Variants in PDE4D observed in about 807,000 individuals in gnomAD.
The protein encoded by PDE4D is 3',5'-cyclic-AMP phosphodiesterase 4D.
PDE4D carries 24 observed loss-of-function variants against 87.4 expected under a neutral mutation model. That is an observed-to-expected ratio of 0.27 (90% CI 0.20 to 0.39). The LOEUF is 0.39. PDE4D is among the 10% of genes least tolerant of loss of function. The pLI is 1.00. For missense variants in PDE4D, 714 were observed against 1,041.0 expected (o/e 0.69, Z 4.32); for synonymous variants, 384 against 383.2 (o/e 1.00, Z -0.02).
intron 1 of PDE4D, among the ~76,000 whole-genome samples, chr5:60,197,698 A>G (rs1741430488): frequency 6.6e-6 from 1 of 151,606 alleles, no homozygotes; most frequent in Non-Finnish European, 1.5e-5. Flanking sequence ...CCAAGGAGTC[A>G]TTGCCGGCAG....
Position 59,668,845 on chromosome 5 carries a change from G to GGAAGAAGAAGAA in PDE4D, c.455+224311_455+224322dup, listed in dbSNP as rs1208323931. On this transcript the variant is annotated intron_variant, in intron 1 of 14. Coordinates refer to ENST00000340635, the MANE Select transcript of PDE4D (RefSeq NM_001104631.2). ...AAGAAGAAGAAGAGGAAGAGGAAGAGGAAGAAGAAGAAGAAGAAGAAGAAG... is the reference window on the plus strand; with the variant it reads ...AAGAAGAAGAAGAGGAAGAGGAAGAGGAAGAAGAAGAAGAAGAAGAAGAAGAAGAAGAAGAAG... Among the ~76,000 whole-genome samples the GGAAGAAGAAGAA allele has an allele frequency of 5.4e-3, 334 of 62,106 alleles. 8 individuals carry two copies. The highest frequency in any genetic ancestry group is 7.2e-3 in the Non-Finnish European group (227 of 31,596). The allele number at this position is 62,106 out of a possible 152,430, so 40.7% of individuals were successfully genotyped here.
intron 5 of PDE4D, among the ~76,000 whole-genome samples, chr5:59,163,288 T>C (rs944542198): frequency 2.0e-4 from 30 of 151,346 alleles, no homozygotes; most frequent in Non-Finnish European, 3.5e-4. Context: ...TTTTTTTTTT[T>C]TTTTGAGACA....
At chr5:59,267,570 T>C (rs1443911376) in intron 1 of PDE4D, among the ~76,000 whole-genome samples, 1 of 152,020 alleles carries the variant, frequency 6.6e-6, no homozygotes. Context: ...TTTTGCAATA[T>C]GAAATGAAAA....
intron 1 of PDE4D, among the ~76,000 whole-genome samples, chr5:59,655,818 C>T (rs1377407130): frequency 1.3e-5 from 2 of 152,158 alleles, no homozygotes; most frequent in Non-Finnish European, 2.9e-5. Context: ...ATGATAAAAT[C>T]AAGATTTAAG....
At chr5:60,044,052 T>C (rs1312914665) in intron 2 of PDE4D, among the ~76,000 whole-genome samples, 3 of 152,148 alleles carry the variant, frequency 2.0e-5, no homozygotes, top group Non-Finnish European at 4.4e-5. Context: ...TCTGGTTGTC[T>C]TTAGTTTTCT....
intron 1 of PDE4D, among the ~76,000 whole-genome samples, chr5:59,659,720 T>C (rs537772964): frequency 1.3e-5 from 2 of 152,208 alleles, no homozygotes; most frequent in South Asian, 2.1e-4. Context: ...TCATCTATCA[T>C]AATGTTCCCT....
At chr5:60,044,084 T>C (rs1355862834) in intron 2 of PDE4D, among the ~76,000 whole-genome samples, 3 of 152,124 alleles carry the variant, frequency 2.0e-5, no homozygotes, top group Non-Finnish European at 4.4e-5. Flanking sequence ...ATAATATGAC[T>C]AGGTGTGGAC....
At chr5:59,422,269 T>A (rs1290354572) in intron 1 of PDE4D, among the ~76,000 whole-genome samples, 1 of 152,098 alleles carries the variant, frequency 6.6e-6, no homozygotes, top group East Asian at 1.9e-4. Flanking sequence ...ACCTGTAACA[T>A]CCTTCTCATC....
At position 59,147,433 on chromosome 5, in the gene PDE4D, A is replaced by G. The variant is rs186300027; in HGVS notation, c.808+33162T>C. ...AACCTCAAACATTTTCTAAACCCTC[A>G]AATTATTCCTAAGATGCATTCAACT... On this transcript the variant is annotated intron_variant, in intron 5 of 14. Coordinates refer to ENST00000340635, the MANE Select transcript of PDE4D (RefSeq NM_001104631.2). Among the ~76,000 whole-genome samples the G allele has an allele frequency of 2.0e-3, 308 of 152,362 alleles. 4 individuals are homozygous for G. The highest frequency in any genetic ancestry group is 6.8e-3 in the Middle Eastern group (2 of 294).
intron 1 of PDE4D, among the ~76,000 whole-genome samples, chr5:59,563,704 G>A (rs917188470): frequency 1.3e-5 from 2 of 152,208 alleles, no homozygotes; most frequent in Non-Finnish European, 2.9e-5. Context: ...AGGAGAGCCA[G>A]AATATAAACC....
At chr5:59,002,498 AG>A (rs1439153557) in intron 6 of PDE4D, among the ~76,000 whole-genome samples, 1 of 152,064 alleles carries the variant, frequency 6.6e-6, no homozygotes, top group African/African-American at 2.4e-5. Flanking sequence ...AAAAAAAAAA[AG>A]GTCTGACTAC....
At position 60,281,017 on chromosome 5, in the gene PDE4D, C is replaced by A. The variant is rs868513826; in HGVS notation, c.-89-95330G>T. On this transcript the variant is annotated intron_variant, in intron 1 of 16. Coordinates refer to the PDE4D transcript ENST00000502484. ...ACAAGGACGTTTCAATCATTTCAGG[C>A]ACCTGCTTAAGTTCATAGGCAGCAT... Among the ~76,000 whole-genome samples the A allele has an allele frequency of 7.2e-5, 11 of 152,242 alleles. No homozygotes were observed. In the Middle Eastern group the frequency reaches 0.01, roughly 141 times the overall value.
intron 1 of PDE4D, among the ~76,000 whole-genome samples, chr5:59,494,743 G>A (rs1351780851): frequency 6.6e-6 from 1 of 152,004 alleles, no homozygotes; most frequent in African/African-American, 2.4e-5. Context: ...TAGACCTGAG[G>A]CACTTGCATT....
At chr5:59,617,055 G>A (rs896426129) in intron 1 of PDE4D, among the ~76,000 whole-genome samples, 2 of 149,964 alleles carry the variant, frequency 1.3e-5, no homozygotes, top group Non-Finnish European at 1.5e-5. Flanking sequence ...AATTGCTGAG[G>A]GTGTATCTTC....
chr5:59,385,017 G>T (rs1414314295), intron 1 of PDE4D, among the ~76,000 whole-genome samples: 1 of 151,860 alleles, frequency 6.6e-6, no homozygotes, highest in African/African-American at 2.4e-5. Flanking sequence ...TAATTGCTTT[G>T]GTTCTTTTCC....
chr5:60,281,233 GA>G, intron 1 of PDE4D, among the ~76,000 whole-genome samples: 1 of 152,234 alleles, frequency 6.6e-6, no homozygotes, highest in East Asian at 1.9e-4. Context: ...TTCAGTAGCA[GA>G]ATTCCCTGTT....
chr5:59,156,002 T>C (rs903423897), intron 5 of PDE4D, among the ~76,000 whole-genome samples: 1 of 151,994 alleles, frequency 6.6e-6, no homozygotes, highest in South Asian at 2.1e-4. Context: ...GGAATTAGCA[T>C]GAAGAGGACT....
At chr5:60,232,744 A>G (rs1327021604) in intron 1 of PDE4D, among the ~76,000 whole-genome samples, 1 of 151,916 alleles carries the variant, frequency 6.6e-6, no homozygotes, top group Non-Finnish European at 1.5e-5. Context: ...CATCCAGGCT[A>G]TGGAATACAA....
chr5:59,380,347 C>A (rs2028842), intron 1 of PDE4D, among the ~76,000 whole-genome samples: 30,889 of 141,076 alleles, frequency 0.22, 3,959 homozygotes, highest in African/African-American at 0.37. Context: ...TCATATAAAT[C>A]CTCAATTTTG....
Sources: allele counts gnomAD v4.1 joint callset (sites outside exome capture counted in the v4.1 genomes callset), GRCh38; gene constraint gnomAD v4.1.1; transcripts MANE v1.5; gene names NCBI Gene and HGNC (gene_info 2026-07-23, HGNC 2026-07-21).